PLD1: variants seen among roughly 807,000 people sequenced by gnomAD.
PLD1 encodes phospholipase D1.
A neutral mutation model predicts 137.1 loss-of-function variants in PLD1; 112 were observed. That is an observed-to-expected ratio of 0.82 (90% CI 0.70 to 0.96). The LOEUF (loss-of-function observed/expected upper bound fraction) is 0.96. Ranked by LOEUF, PLD1 falls within the 40% of genes least tolerant of loss-of-function variation. The pLI, the probability that PLD1 is intolerant of heterozygous loss-of-function variation, is 0.00. For synonymous variants in PLD1, 431 were observed against 454.7 expected (o/e 0.95, Z 0.66); for missense variants, 1,321 against 1,342.0 (o/e 0.98, Z 0.24).
At chr3:171,711,136 T>A (rs1717186836) in intron 9 of PLD1, among the ~76,000 whole-genome samples, 1 of 149,996 alleles carries the variant, frequency 6.7e-6, no homozygotes, top group African/African-American at 2.5e-5. Context: ...CCCAAAGTGC[T>A]GGGATTACAG....
chr3:171,697,282 T>C (rs573074122), intron 12 of PLD1, among the ~76,000 whole-genome samples: 4 of 145,822 alleles, frequency 2.7e-5, no homozygotes, highest in Admixed American at 2.1e-4. Context: ...TCTTGCTCTG[T>C]TGCCCAGGCT....
At chr3:171,764,019 C>A (rs574324904) in intron 1 of PLD1, among the ~76,000 whole-genome samples, 5 of 151,972 alleles carry the variant, frequency 3.3e-5, no homozygotes, top group Non-Finnish European at 5.9e-5. Context: ...TTTCATACAT[C>A]ATTACTAAAA....
intron 23 of PLD1, among the ~76,000 whole-genome samples, chr3:171,627,042 C>T (rs955778150): frequency 6.6e-6 from 1 of 151,888 alleles, no homozygotes; most frequent in African/African-American, 2.4e-5. Context: ...CTAAATGCTC[C>T]AATTAAAAGA....
At chr3:171,682,907 A>T (rs1714159471) in intron 16 of PLD1, among the ~76,000 whole-genome samples, 1 of 152,238 alleles carries the variant, frequency 6.6e-6, no homozygotes, top group South Asian at 2.1e-4. Context: ...TTTTCATTTT[A>T]AAAAATTAAA....
Position 171,710,683 on chromosome 3 carries a change from C to T in PLD1, c.912-974G>A, listed in dbSNP as rs1038233097. ...CGACCCCTGCTCTAGAGGGCACTTC[C>T]CCTTGTGCTCCCTAGTATCCATTCC... On this transcript the variant is annotated intron_variant, in intron 9 of 26. Coordinates refer to ENST00000351298, the MANE Select transcript of PLD1 (RefSeq NM_002662.5). Among the ~76,000 whole-genome samples, 4 of 152,200 alleles carry T rather than the reference C, an allele frequency of 2.6e-5. No homozygotes were observed. The South Asian group carries it at 8.3e-4, about 31-fold the overall frequency.
intron 19 of PLD1, 120 bp from the exon 20 acceptor site, chr3:171,662,290 G>A: frequency 1.6e-6 from 1 of 630,970 alleles, no homozygotes; most frequent in Non-Finnish European, 2.9e-6. Flanking sequence ...TGGCTTGAGT[G>A]TCATGTGTGA....
intron 1 of PLD1, among the ~76,000 whole-genome samples, chr3:171,804,625 A>C (rs6445029): frequency 2.0e-5 from 3 of 152,072 alleles, no homozygotes; most frequent in African/African-American, 7.2e-5. Flanking sequence ...ATCACACTAC[A>C]TATAAAATCC....
At chr3:171,676,273 C>T (rs553488391) in intron 18 of PLD1, among the ~76,000 whole-genome samples, 1 of 152,178 alleles carries the variant, frequency 6.6e-6, no homozygotes, top group South Asian at 2.1e-4. Context: ...TGCTCAGAAC[C>T]AGCTCTCAGA....
At chr3:171,605,252 T>C in intron 26 of PLD1, 47 bp downstream of exon 26, 3 of 1,014,674 alleles carry the variant, frequency 3.0e-6, no homozygotes, top group Non-Finnish European at 4.7e-6. Flanking sequence ...CTTTTTGTGA[T>C]GAGATTCAGT....
chr3:171,803,431 G>C (rs1560311238), intron 1 of PLD1, among the ~76,000 whole-genome samples: 1 of 152,210 alleles, frequency 6.6e-6, no homozygotes, highest in Non-Finnish European at 1.5e-5. Flanking sequence ...TTAGCAACCA[G>C]GTCCGGGTGG....
At chr3:171,609,611 T>A (rs142993136) in intron 25 of PLD1, among the ~76,000 whole-genome samples, 1 of 151,432 alleles carries the variant, frequency 6.6e-6, no homozygotes, top group Non-Finnish European at 1.5e-5. Context: ...TGTAGCAACA[T>A]GCATGGAGTT....
At chr3:171,697,988 T>A (rs930224991) in intron 12 of PLD1, among the ~76,000 whole-genome samples, 1 of 152,244 alleles carries the variant, frequency 6.6e-6, no homozygotes, top group Non-Finnish European at 1.5e-5. Flanking sequence ...AGGTGCTGAT[T>A]AAATATTATA....
At chr3:171,610,182 A>G (rs1455216475) in intron 25 of PLD1, among the ~76,000 whole-genome samples, 1 of 152,168 alleles carries the variant, frequency 6.6e-6, no homozygotes, top group Non-Finnish European at 1.5e-5. Context: ...ATCTACAAAC[A>G]TACCCATTTT....
chr3:171,694,720 G>A (rs1290426456), intron 12 of PLD1, among the ~76,000 whole-genome samples: 5 of 152,106 alleles, frequency 3.3e-5, no homozygotes, highest in Non-Finnish European at 7.4e-5. Flanking sequence ...TACTCATGAA[G>A]AGTAGTAGTT....
intron 19 of PLD1, among the ~76,000 whole-genome samples, chr3:171,664,922 A>G (rs1361432909): frequency 6.6e-6 from 1 of 152,198 alleles, no homozygotes; most frequent in Non-Finnish European, 1.5e-5. Flanking sequence ...CAAAGTGATA[A>G]TAATGGTATG....
At chr3:171,718,303 A>C (rs9811588) in intron 8 of PLD1, among the ~76,000 whole-genome samples, 22,197 of 152,256 alleles carry the variant, frequency 0.15, 1,710 homozygotes, top group South Asian at 0.22. Context: ...AATTAGAATC[A>C]GTAATAAATA....
intron 1 of PLD1, among the ~76,000 whole-genome samples, chr3:171,770,888 C>CAAAAAAAAAAAAAAA (rs34683994): frequency 7.3e-5 from 3 of 40,876 alleles, no homozygotes; most frequent in African/African-American, 2.4e-4. Flanking sequence ...AACCCTATCT[C>CAAAAAAAAAAAAAAA]AAAAAAAAAA....
At chr3:171,790,216 T>C (rs1723161981) in intron 1 of PLD1, among the ~76,000 whole-genome samples, 1 of 152,212 alleles carries the variant, frequency 6.6e-6, no homozygotes, top group Non-Finnish European at 1.5e-5. Context: ...TCAGCTCCAC[T>C]CACAGGGATC....
chr3:171,611,646 A>G (rs769114655), intron 25 of PLD1: 1 of 518,832 alleles, frequency 1.9e-6, no homozygotes, highest in Non-Finnish European at 3.8e-6. Context: ...TGAAAACAGA[A>G]GTTTCCACAT....
Sources: gnomAD v4.1 joint callset for allele counts (sites outside exome capture counted in the v4.1 genomes callset) on GRCh38, gnomAD v4.1.1 for gene constraint, MANE v1.5 for transcripts, NCBI Gene and HGNC (gene_info 2026-07-23, HGNC 2026-07-21) for gene names.